Variants in ANKRD60 observed in about 807,000 individuals in gnomAD.
ANKRD60 encodes the protein ankyrin repeat domain 60.
In ANKRD60, 24 loss-of-function variants were observed where a neutral mutation model predicts 21.3. The observed-to-expected ratio is 1.13, with a 90% CI of 0.82 to 1.59. ANKRD60 has a LOEUF of 1.59. ANKRD60 is among the 40% of genes most tolerant of loss of function. ANKRD60 has a pLI of 0.00. For synonymous variants in ANKRD60, 182 were observed against 199.4 expected, an observed-to-expected ratio of 0.91 and a Z score of 0.74; for missense variants, 490 against 466.7, an observed-to-expected ratio of 1.05 and a Z score of -0.46.
rs537220999 is a variant in ANKRD60, at chr20:58,221,198, A to G, written c.727+140T>C. ...GCCTAGACAGGGAGTGAGTGGCACC[A>G]TGGGGACCCTGACTGGTGGCTGACA... On this transcript the variant is annotated intron_variant, in intron 3 of 3. Transcript: ENST00000457363. 118 of 911,760 alleles carry G rather than the reference A, an allele frequency of 1.3e-4. 1 individual carries two copies. The South Asian group carries it at 1.4e-3, about 11-fold the overall frequency. 56.5% of individuals were successfully genotyped at this position (911,760 alleles called of 1,614,324 possible).
chr20:58,217,265 C>T (rs1415417530), downstream of ANKRD60, among the ~76,000 whole-genome samples: 1 of 152,022 alleles, frequency 6.6e-6, no homozygotes, highest in African/African-American at 2.4e-5. Flanking sequence ...CCCATCTCTA[C>T]TAAAAATACA....
Position 58,228,502 on chromosome 20 carries a change from GGC to G in ANKRD60, c.150_151del (p.Pro51GlnfsTer28). 6.9e-7 allele frequency: 1 copy of G among 1,446,394 alleles called. No individual in the cohort carries two copies. The highest frequency in any genetic ancestry group is 9.0e-7 in the Non-Finnish European group (1 of 1,108,734). The allele number at this position is 1,446,394 out of a possible 1,614,324, so 89.6% of individuals were successfully genotyped here. A position where few individuals can be genotyped will look rare whatever the true frequency, so the allele number is the denominator to read the frequency against. ...CCGCGAGTCCGCCGAGCCCACCCTG[GGC>G]CCGCCGCACCCCTGAGCCCCGGCCC... is the stretch of plus-strand genomic sequence containing the variant. On this transcript the variant is annotated frameshift_variant, in exon 1 of 4. Transcript: ENST00000457363. LOFTEE classifies it high-confidence loss of function. This position sits in a 1 kb window ranked among gnomAD's most constrained non-coding sequence, Gnocchi z 5.3.
At chr20:58,222,744 T>C (rs1984285175) in intron 2 of ANKRD60, among the ~76,000 whole-genome samples, 1 of 152,254 alleles carries the variant, frequency 6.6e-6, no homozygotes, top group Non-Finnish European at 1.5e-5. Context: ...CTCTCAGTAT[T>C]AAATTAGATT....
chr20:58,219,120 C>A (rs879462312), intron 3 of ANKRD60, among the ~76,000 whole-genome samples: 6 of 152,184 alleles, frequency 3.9e-5, no homozygotes, highest in Non-Finnish European at 8.8e-5. Flanking sequence ...TCCCCCACCC[C>A]ACCACCAAGG....
chr20:58,219,183 A>G (rs1984194826), intron 3 of ANKRD60, among the ~76,000 whole-genome samples: 1 of 152,010 alleles, frequency 6.6e-6, no homozygotes, highest in African/African-American at 2.4e-5. Flanking sequence ...CCTGCTCTGC[A>G]TCCTGCCCCA....
At chr20:58,224,698 G>A (rs1172051529) in intron 1 of ANKRD60, among the ~76,000 whole-genome samples, 4 of 152,238 alleles carry the variant, frequency 2.6e-5, no homozygotes, top group African/African-American at 9.6e-5. Flanking sequence ...GTCTAAGTAA[G>A]ACAACTTGAC....
chr20:58,220,648 C>T (rs568174888), intron 3 of ANKRD60, among the ~76,000 whole-genome samples: 4 of 151,852 alleles, frequency 2.6e-5, no homozygotes, highest in East Asian at 3.9e-4. Flanking sequence ...CAGAGCTGTG[C>T]TGGCTGGAAG....
chr20:58,219,206 A>G (rs2122801122), intron 3 of ANKRD60, among the ~76,000 whole-genome samples: 1 of 152,114 alleles, frequency 6.6e-6, no homozygotes, highest in Admixed American at 6.5e-5. Flanking sequence ...CCCATTCACA[A>G]CATTCTCACC....
At chr20:58,221,309 G>A in intron 3 of ANKRD60, 29 bp downstream of exon 3, 10 of 1,543,790 alleles carry the variant, frequency 6.5e-6, no homozygotes, top group Non-Finnish European at 8.8e-6. Context: ...CCCAACTCAT[G>A]AATATAGCAA....
rs375563687 is a variant in ANKRD60 at position 58,223,195 on chromosome 20, AT to A, written c.431-14del. ...TCCATCAAAACTCCTGCAGGGAAAA[AT>A]TTTTTTTCTTTTAAAAAATTGGGTA... On this transcript the variant is annotated splice_polypyrimidine_tract_variant and intron_variant, in intron 1 of 3. Coordinates refer to ENST00000457363, the Ensembl canonical transcript of ANKRD60. The A allele has an allele frequency of 2.5e-3, 3,805 of 1,531,770 alleles. 76 individuals carry two copies. In the African/African-American group the frequency reaches 0.044, roughly 18 times the overall value. The allele number at this position is 1,531,770 out of a possible 1,614,324, so 94.9% of individuals were successfully genotyped here.
intron 2 of ANKRD60, among the ~76,000 whole-genome samples, chr20:58,222,004 T>G (rs1255696147): frequency 2.0e-5 from 3 of 152,134 alleles, no homozygotes; most frequent in Admixed American, 1.3e-4. Context: ...ATTAAGTCTT[T>G]GAGCCTGGGA....
chr20:58,226,251 T>C (rs1984361811), intron 1 of ANKRD60, among the ~76,000 whole-genome samples: 1 of 152,198 alleles, frequency 6.6e-6, no homozygotes, highest in Non-Finnish European at 1.5e-5. Flanking sequence ...TAAGGTTTGC[T>C]GTCTGTTTGG....
rs1020661732 is a variant in ANKRD60, at chr20:58,226,998, T to C, written c.430+1226A>G. ...TGCTCTGGGATTTAGGGTTCTGTTA[T>C]GGCCAGGCATAGCTTCAGGGTTTGA... On this transcript the variant is annotated intron_variant, in intron 1 of 3. Coordinates refer to ENST00000457363, the Ensembl canonical transcript of ANKRD60. Among the ~76,000 whole-genome samples, 4 of 152,294 alleles carry C rather than the reference T, an allele frequency of 2.6e-5. No individual in the cohort carries two copies. The South Asian group carries it at 8.3e-4, about 32-fold the overall frequency.
chr20:58,221,762 G>A (rs2122805673), intron 2 of ANKRD60, among the ~76,000 whole-genome samples: 1 of 152,298 alleles, frequency 6.6e-6, no homozygotes, highest in Middle Eastern at 3.4e-3. Flanking sequence ...AGGTCTTCCT[G>A]TCAATGTTTT....
At chr20:58,216,483 C>T (rs1249652987), downstream of ANKRD60, among the ~76,000 whole-genome samples, 1 of 152,240 alleles carries the variant, frequency 6.6e-6, no homozygotes, top group African/African-American at 2.4e-5. Flanking sequence ...GCATCACCCC[C>T]CTAACACTTC....
In ANKRD60 at chr20:58,228,459, GGGC is replaced by G; in HGVS notation, c.192_194del (p.Gln64_Pro65delinsHis). 6.5e-7 allele frequency: 1 copy of G among 1,530,760 alleles called. No homozygotes were observed. The allele number at this position is 1,530,760 out of a possible 1,614,324, so 94.8% of individuals were successfully genotyped here. ...GGCTCCGGCCGCGGGCACAGGCCAG[GGGC>G]TGCGCGGGGAGGGCCCGCGAGTCCG... is the stretch of plus-strand genomic sequence containing the variant. On this transcript the variant is annotated inframe_deletion, in exon 1 of 4. Transcript: ENST00000457363. The surrounding 1 kb of genome is among the most constrained non-coding windows in gnomAD (Gnocchi z 5.3).
chr20:58,218,374 G>A (rs538677093), downstream of ANKRD60: 73 of 944,038 alleles, frequency 7.7e-5, no homozygotes, highest in African/African-American at 6.3e-4. Flanking sequence ...AGATAATTTC[G>A]TATCTGATTC....
downstream of ANKRD60, among the ~76,000 whole-genome samples, chr20:58,217,566 G>A (rs532433216): frequency 6.6e-6 from 1 of 152,230 alleles, no homozygotes; most frequent in African/African-American, 2.4e-5. Context: ...TCAGACAGCT[G>A]GCGCCATCCT....
chr20:58,218,443 C>T (rs1984175508), downstream of ANKRD60: 3 of 1,508,926 alleles, frequency 2.0e-6, no homozygotes, highest in Admixed American at 2.0e-5. Flanking sequence ...TGGGATTGAA[C>T]TCTGCAAAGT....
Sources: allele counts gnomAD v4.1 joint callset (sites outside exome capture counted in the v4.1 genomes callset), GRCh38; gene constraint gnomAD v4.1.1; non-coding constraint Gnocchi (gnomAD v3.1); transcripts MANE v1.5; gene names NCBI Gene and HGNC (gene_info 2026-07-23, HGNC 2026-07-21).